Variants in DDX27 observed in about 807,000 individuals in gnomAD.
DDX27 encodes DEAD-box helicase 27, also known as probable ATP-dependent RNA helicase DDX27.
In DDX27, 42 loss-of-function variants were observed where a neutral mutation model predicts 99.3. The observed-to-expected ratio is 0.42, with a 90% confidence interval of 0.33 to 0.55. The LOEUF is 0.55. DDX27 is among the 20% of genes least tolerant of loss of function. DDX27 has a pLI of 0.07. For missense variants in DDX27, 798 were observed against 976.8 expected (o/e 0.82, Z 2.44); for synonymous variants, 329 against 353.8 (o/e 0.93, Z 0.79).
chr20:49,228,940 A>T, intron 8 of DDX27, 52 bp downstream of exon 8: 1 of 1,467,626 alleles, frequency 6.8e-7, no homozygotes, highest in Non-Finnish European at 9.1e-7. Context: ...GGTGGGGTGG[A>T]GGATGGATGT....
Position 49,242,072 on chromosome 20 carries a change from A to G in DDX27, c.1993-11A>G. On this transcript the variant is annotated splice_polypyrimidine_tract_variant and intron_variant, in intron 17 of 20. Coordinates refer to ENST00000618172, the MANE Select transcript of DDX27 (RefSeq NM_017895.8). ...GTGTGTTCCACACTCACACCTCCCC[A>G]CTCCCCCTAGGCAGAGGAAAGGTCT... 1 of 1,614,000 alleles carries G rather than the reference A, an allele frequency of 6.2e-7. No individual in the cohort carries two copies. Among genetic ancestry groups the G allele is most frequent in the Non-Finnish European group, 8.5e-7 (1 of 1,179,994 alleles).
At chr20:49,221,314 A>G (rs1979672577) in intron 1 of DDX27, 138 bp from the exon 2 acceptor site, 9 of 894,538 alleles carry the variant, frequency 1.0e-5, no homozygotes, top group Non-Finnish European at 1.5e-5. Context: ...GCTGGTCTTG[A>G]ACTCCTGACC....
chr20:49,238,889 G>A (rs925796291), intron 14 of DDX27, 60 bp from the exon 15 acceptor site: 5 of 1,283,070 alleles, frequency 3.9e-6, no homozygotes, highest in African/African-American at 2.9e-5. Context: ...GGTTACAGGT[G>A]TGAGCCACCA....
chr20:49,220,879 T>G (rs1290795662), intron 1 of DDX27, among the ~76,000 whole-genome samples: 1 of 152,264 alleles, frequency 6.6e-6, no homozygotes, highest in East Asian at 1.9e-4. Flanking sequence ...CACGTGGCTT[T>G]CAAGGTCCTC....
intron 9 of DDX27, among the ~76,000 whole-genome samples, chr20:49,231,377 C>G (rs1980104923): frequency 6.6e-6 from 1 of 152,162 alleles, no homozygotes; most frequent in African/African-American, 2.4e-5. Flanking sequence ...GAACAGAAGA[C>G]CCATTCCTGA....
chr20:49,239,208 G>A (rs116472698), intron 15 of DDX27, 28 bp from the exon 16 acceptor site: 22 of 1,607,052 alleles, frequency 1.4e-5, no homozygotes, highest in African/African-American at 1.2e-4. Flanking sequence ...CGGGTTTCAC[G>A]GCAGGCATCC....
Position 49,235,606 on chromosome 20 carries a change from T to C in DDX27, c.1427+518T>C, listed in dbSNP as rs8120257. The C allele has an allele frequency of 8.5e-3, 1,338 of 156,640 alleles. 21 individuals are homozygous for C. Among genetic ancestry groups the C allele is most frequent in the African/African-American group, 0.03 (1,257 of 41,644 alleles). 9.7% of individuals were successfully genotyped at this position (156,640 alleles called of 1,614,324 possible). On this transcript the variant is annotated intron_variant, in intron 12 of 20. Coordinates refer to ENST00000618172, the MANE Select transcript of DDX27 (RefSeq NM_017895.8). ...CTGTTCATCAGTGGGTGCTGAAAGG[T>C]GTTTGTTAAAGATAGGCTGATTTAA... is the stretch of plus-strand genomic sequence containing the variant.
Position 49,228,865 on chromosome 20 carries a change from A to G in DDX27, c.857A>G (p.Asn286Ser), listed in dbSNP as rs1979996689. ...ACCAGACAGCTGGCCCAGTTCTGCA[A>G]CATCACCACCTGCCTGGCTGTGGGT... ...SVTRQLAQFCNITTCLAVGGL... is the reference protein window; with the variant it reads ...SVTRQLAQFCSITTCLAVGGL... Residue 286 changes from asparagine (N) to serine (S), a missense_variant, in exon 8 of 21, where the codon AAC becomes AGC. By Grantham distance (46) the Asn-to-Ser change is conservative (BLOSUM62 1). Around this residue, in one of 2 missense-constraint regions of DDX27, gnomAD observed 553 missense variants for 727.9 expected, o/e 0.76. Coordinates refer to ENST00000618172, the MANE Select transcript of DDX27 (RefSeq NM_017895.8). 1 of 1,602,746 alleles carries G rather than the reference A, an allele frequency of 6.2e-7. No homozygotes were observed.
At chr20:49,235,238 G>A in intron 12 of DDX27, 150 bp downstream of exon 12, 1 of 844,968 alleles carries the variant, frequency 1.2e-6, no homozygotes, top group Non-Finnish European at 1.7e-6. Context: ...TAACCACTGT[G>A]AGGTCATGTC....
intron 19 of DDX27, among the ~76,000 whole-genome samples, chr20:49,243,218 G>A (rs1298479575): frequency 6.6e-6 from 1 of 152,174 alleles, no homozygotes; most frequent in Non-Finnish European, 1.5e-5. Context: ...CTGCCTTGGA[G>A]GTGAAATAGT....
chr20:49,231,453 G>C (rs879850238), intron 9 of DDX27, among the ~76,000 whole-genome samples: 6 of 152,160 alleles, frequency 3.9e-5, no homozygotes, highest in African/African-American at 1.4e-4. Flanking sequence ...GGTTTTAAAG[G>C]GGGAGGGAAA....
chr20:49,239,042 A>G lies in DDX27; in HGVS notation c.1781A>G (p.Gln594Arg). The G allele has an allele frequency of 5.0e-6, 8 of 1,613,840 alleles. No homozygotes were observed. The highest frequency in any genetic ancestry group is 6.8e-6 in the Non-Finnish European group (8 of 1,179,730). ...GAGGCGGAGGAAAAAGAGATGCAGC[A>G]GTCAGAAGCCCAGGTGAGGCTGCGA... is the stretch of plus-strand genomic sequence containing the variant. ...QLEAEEKEMQ[Q>R]SEAQINTAKR... Residue 594 changes from glutamine (Q) to arginine (R), a missense_variant, in exon 15 of 21, where the codon CAG (glutamine) becomes CGG (arginine). Coordinates refer to ENST00000618172, the MANE Select transcript of DDX27 (RefSeq NM_017895.8).
rs765061022 is a variant in DDX27 at position 49,225,160 on chromosome 20, C to T, written c.561C>T (p.Leu187=). 2.9e-5 allele frequency: 46 copies of T among 1,614,016 alleles called. No individual in the cohort carries two copies. The highest frequency in any genetic ancestry group is 3.6e-5 in the Non-Finnish European group (43 of 1,180,016). ...FEDASQYDEN[L]SFQDMNLSRP... ...ATGCATCTCAGTACGATGAAAACCT[C>T]TCGTTCCAGGACATGAACCTTTCCC... The change falls in exon 6 of 21, where the codon CTC becomes CTT. Residue 187 remains leucine (L), a synonymous_variant. Coordinates refer to ENST00000618172, the MANE Select transcript of DDX27 (RefSeq NM_017895.8).
intron 14 of DDX27, among the ~76,000 whole-genome samples, chr20:49,237,176 A>G (rs1980334781): frequency 6.6e-6 from 1 of 152,108 alleles, no homozygotes; most frequent in Non-Finnish European, 1.5e-5. Context: ...TCTAAAAAAA[A>G]AAAATTAGCT....
rs1383330129 is a variant in DDX27, at chr20:49,233,359, C to A, written c.1085C>A (p.Ser362Tyr). ...ATGAAGGAGATCATCCGAATGTGTT[C>A]CCACCACCGCCAGACCATGCTCTTC... Reference protein sequence around the residue: ...EQMKEIIRMCSHHRQTMLFSA... With the variant: ...EQMKEIIRMCYHHRQTMLFSA... Residue 362 changes from serine (S) to tyrosine (Y), a missense_variant, in exon 10 of 21, where the codon TCC becomes TAC. Transcript: ENST00000618172. 1 of 1,613,904 alleles carries A rather than the reference C, an allele frequency of 6.2e-7. No homozygotes were observed. The highest frequency in any genetic ancestry group is 1.3e-5 in the African/African-American group (1 of 74,886).
rs769035311 is a variant in DDX27, at chr20:49,233,420, T to G, written c.1131+15T>G. The G allele has an allele frequency of 2.5e-6, 4 of 1,613,262 alleles. No individual in the cohort carries two copies. The highest frequency in any genetic ancestry group is 1.1e-5 in the South Asian group (1 of 91,072). ...TGACAGACGAGGTGGGCCGAGGGAC[T>G]TCTCTGTGGCGGGTGGCAGGTGTGC... On this transcript the variant is annotated intron_variant, in intron 10 of 20. Transcript: ENST00000618172.
intron 16 of DDX27, among the ~76,000 whole-genome samples, chr20:49,239,769 G>C (rs1490540214): frequency 1.3e-5 from 2 of 152,138 alleles, no homozygotes; most frequent in East Asian, 3.9e-4. Context: ...TTAGATGCCA[G>C]TGCTCTTTGA....
chr20:49,223,423 C>T lies in DDX27; in HGVS notation c.456C>T (p.Leu152=). The change falls in exon 4 of 21, where the codon CTC becomes CTT. Residue 152 remains leucine (L), a synonymous_variant. Transcript: ENST00000618172. The part of the protein sequence containing the change: ...TDYSSADENI[L]TKADTLKVKD... The stretch of plus-strand genomic sequence containing the variant: ...ACTCATCAGCTGATGAGAACATCCT[C>T]ACCAAAGCAGGTAGACGTTACGGCG... 6.2e-7 allele frequency: 1 copy of T among 1,609,152 alleles called. No homozygotes were observed. Among genetic ancestry groups the T allele is most frequent in the South Asian group, 1.1e-5 (1 of 89,992 alleles).
intron 1 of DDX27, among the ~76,000 whole-genome samples, 166 bp downstream of exon 1, chr20:49,219,707 T>C (rs1351974822): frequency 1.3e-5 from 2 of 152,128 alleles, no homozygotes; most frequent in East Asian, 3.9e-4. Context: ...CGCCACTAGG[T>C]TATCTCTACG....
Sources: allele counts gnomAD v4.1 joint callset (sites outside exome capture counted in the v4.1 genomes callset), GRCh38; gene constraint gnomAD v4.1.1; regional missense constraint gnomAD v4.1.1; transcripts MANE v1.5; gene names NCBI Gene and HGNC (gene_info 2026-07-23, HGNC 2026-07-21).